Variants in NBEA observed in about 807,000 individuals in gnomAD.
The protein encoded by NBEA is neurobeachin, also known as lysosomal-trafficking regulator 2.
A neutral mutation model predicts 343.4 loss-of-function variants in NBEA; 44 were observed. That is an observed-to-expected ratio of 0.13 (90% CI 0.10 to 0.16). NBEA has a LOEUF of 0.16. Ranked by LOEUF, NBEA falls within the 10% of genes least tolerant of loss-of-function variation. The probability of loss-of-function intolerance (pLI) is 1.00; values close to 1 mark genes in which losing one functional copy is unlikely to be tolerated. For missense variants in NBEA, 2,555 were observed against 3,631.3 expected, an observed-to-expected ratio of 0.70 and a Z score of 7.62; for synonymous variants, 1,175 against 1,238.7, an observed-to-expected ratio of 0.95 and a Z score of 1.08.
chr13:34,998,255 A>G (rs1275159751), intron 1 of NBEA, among the ~76,000 whole-genome samples: 1 of 152,160 alleles, frequency 6.6e-6, no homozygotes, highest in Non-Finnish European at 1.5e-5. Context: ...CCTGCTTCAC[A>G]AGGTAATAAG....
chr13:35,515,459 A>C (rs2077447974), intron 41 of NBEA, among the ~76,000 whole-genome samples: 1 of 152,230 alleles, frequency 6.6e-6, no homozygotes, highest in African/African-American at 2.4e-5. Flanking sequence ...GCAAAAATTC[A>C]GCAGAAGGTT....
chr13:35,027,503 C>T lies in NBEA; in HGVS notation c.295-13430C>T, dbSNP rs150267932. Reference sequence around the variant, plus strand: ...TCCATAGATCCTCTTTGATCAAATGCGTGTTCATGTTTTCTGCCCATTTTC... The same window carrying T: ...TCCATAGATCCTCTTTGATCAAATGTGTGTTCATGTTTTCTGCCCATTTTC... On this transcript the variant is annotated intron_variant, in intron 1 of 58. Transcript: ENST00000379939. Among the ~76,000 whole-genome samples the T allele has an allele frequency of 4.2e-4, 64 of 151,834 alleles. 1 individual carries two copies. The East Asian group carries it at 9.9e-3, about 24-fold the overall frequency.
chr13:35,661,026 C>G (rs1014417033), intron 55 of NBEA, among the ~76,000 whole-genome samples: 1 of 152,194 alleles, frequency 6.6e-6, no homozygotes, highest in African/African-American at 2.4e-5. Context: ...TCCCCTCATT[C>G]TAACACCAGT....
intron 39 of NBEA, among the ~76,000 whole-genome samples, chr13:35,450,125 G>GA (rs1434471817): frequency 6.6e-6 from 1 of 152,060 alleles, no homozygotes; most frequent in Non-Finnish European, 1.5e-5. Flanking sequence ...AGAGAAAAAG[G>GA]AAAAAAGCCA....
chr13:35,191,757 C>T (rs1190808114), intron 30 of NBEA, among the ~76,000 whole-genome samples: 1 of 151,932 alleles, frequency 6.6e-6, no homozygotes, highest in African/African-American at 2.4e-5. Flanking sequence ...TAGTGCTATA[C>T]TAACAAGGTG....
At chr13:35,178,644 G>T (rs2071085713) in intron 28 of NBEA, among the ~76,000 whole-genome samples, 1 of 151,374 alleles carries the variant, frequency 6.6e-6, no homozygotes. Context: ...TAGGTAAACA[G>T]ATTTTATTTA....
intron 36 of NBEA, among the ~76,000 whole-genome samples, chr13:35,315,350 C>T (rs894131242): frequency 5.9e-5 from 9 of 151,974 alleles, no homozygotes; most frequent in African/African-American, 1.5e-4. Context: ...TCCCTGGGAC[C>T]GGCTGAAATT....
intron 38 of NBEA, among the ~76,000 whole-genome samples, chr13:35,365,800 T>TC (rs1324538130): frequency 6.6e-6 from 1 of 151,712 alleles, no homozygotes; most frequent in Non-Finnish European, 1.5e-5. Context: ...TCTGTAAATA[T>TC]CCTTTTTTTA....
rs759394601 is a variant in NBEA, at chr13:35,584,012, T to C, written c.7150T>C (p.Ser2384Pro). ...TAATACCCATTATTCAACAGCAACA[T>C]CTACTTTATCCTGGCTTGTTCGAAT... ...HYNTHYSTAT[S>P]TLSWLVRIEP... Residue 2384 changes from serine (S) to proline (P), a missense_variant, in exon 46 of 59, where the codon TCT becomes CCT. This residue lies in a region of NBEA where 156 missense variants were observed against 185.8 expected (regional missense o/e 0.84). Coordinates refer to ENST00000379939, the MANE Select transcript of NBEA (RefSeq NM_001385012.1). 5 of 1,613,586 alleles carry C rather than the reference T, an allele frequency of 3.1e-6. No homozygotes were observed. The Admixed American group carries it at 8.3e-5, about 27-fold the overall frequency.
At chr13:35,585,970 T>C (rs1030763338) in intron 46 of NBEA, among the ~76,000 whole-genome samples, 1 of 152,184 alleles carries the variant, frequency 6.6e-6, no homozygotes, top group African/African-American at 2.4e-5. Context: ...AAACCTCTTT[T>C]CCTTTATTCT....
intron 40 of NBEA, among the ~76,000 whole-genome samples, chr13:35,460,822 T>C (rs1402874653): frequency 6.6e-6 from 1 of 152,238 alleles, no homozygotes; most frequent in Admixed American, 6.5e-5. Context: ...GGACAACTTA[T>C]AAGAAAAGAA....
At chr13:35,016,358 A>G (rs1446967483) in intron 1 of NBEA, among the ~76,000 whole-genome samples, 1 of 152,170 alleles carries the variant, frequency 6.6e-6, no homozygotes, top group Non-Finnish European at 1.5e-5. Context: ...TTTTGTTAGA[A>G]TCTGAGTATT....
At chr13:34,946,700 ATT>A (rs201962970) in intron 1 of NBEA, among the ~76,000 whole-genome samples, 10 of 137,074 alleles carry the variant, frequency 7.3e-5, no homozygotes, top group Non-Finnish European at 8.0e-5. Flanking sequence ...ATTTCCTCTG[ATT>A]TTTTTTTTTT....
chr13:35,454,510 C>G (rs1053579970), intron 40 of NBEA, among the ~76,000 whole-genome samples: 1 of 152,092 alleles, frequency 6.6e-6, no homozygotes, highest in African/African-American at 2.4e-5. Context: ...TTCTAAGTAG[C>G]CTGACAGAGC....
chr13:35,057,458 C>T (rs1375110544), intron 7 of NBEA, among the ~76,000 whole-genome samples: 1 of 152,032 alleles, frequency 6.6e-6, no homozygotes, highest in Non-Finnish European at 1.5e-5. Flanking sequence ...TTAAGAGACG[C>T]AAACAAAATC....
At chr13:35,469,511 T>C (rs1275159008) in intron 40 of NBEA, among the ~76,000 whole-genome samples, 2 of 152,228 alleles carry the variant, frequency 1.3e-5, no homozygotes, top group African/African-American at 2.4e-5. Context: ...ATAACATTTA[T>C]ATTTTCCTTT....
chr13:35,560,434 G>T (rs1055777914), intron 44 of NBEA, among the ~76,000 whole-genome samples: 5 of 152,072 alleles, frequency 3.3e-5, no homozygotes, highest in African/African-American at 9.7e-5. Context: ...TCTAGTACTA[G>T]ATCTGGGCCT....
At chr13:35,038,093 ACTTTTCCC>A (rs1170836701) in intron 1 of NBEA, among the ~76,000 whole-genome samples, 2 of 151,746 alleles carry the variant, frequency 1.3e-5, no homozygotes, top group Non-Finnish European at 1.5e-5. Flanking sequence ...CCCCTTTTCC[ACTTTTCCC>A]CTTTTCCCCT....
At chr13:35,269,561 CTT>C (rs959391465) in intron 34 of NBEA, among the ~76,000 whole-genome samples, 9 of 152,124 alleles carry the variant, frequency 5.9e-5, no homozygotes, top group African/African-American at 2.2e-4. Context: ...TCGTTAGAAT[CTT>C]TGATTTGGAG....
Sources: gnomAD v4.1 joint callset for allele counts (sites outside exome capture counted in the v4.1 genomes callset) on GRCh38, gnomAD v4.1.1 for gene constraint, gnomAD v4.1.1 regional missense constraint, MANE v1.5 for transcripts, NCBI Gene and HGNC (gene_info 2026-07-23, HGNC 2026-07-21) for gene names.